The following ZNF257 variants were observed in gnomAD, a reference collection of about 807,000 sequenced individuals.
ZNF257 encodes zinc finger protein 257.
Under a neutral mutation model 11.9 loss-of-function variants are expected in ZNF257, and 12 were observed. The observed-to-expected ratio is 1.01, with a 90% confidence interval of 0.65 to 1.63. ZNF257 has a LOEUF of 1.63. Ranked by LOEUF, ZNF257 falls within the 40% of genes most tolerant of loss-of-function variation. ZNF257 has a pLI of 0.00. For synonymous variants in ZNF257, 183 were observed against 222.7 expected, an observed-to-expected ratio of 0.82 and a Z score of 1.59; for missense variants, 580 against 665.5, an observed-to-expected ratio of 0.87 and a Z score of 1.41.
At position 22,084,481 on chromosome 19, in the gene ZNF257, G is replaced by T. The variant is rs144142378; in HGVS notation, c.227-3496G>T. ...ATTGTTGGGTACTTTGTTGTCTCTT[G>T]CAATAGCACTCCTGAGTTTGTTATT... On this transcript the variant is annotated intron_variant, in intron 3 of 3. Coordinates refer to ENST00000594947, the MANE Select transcript of ZNF257 (RefSeq NM_033468.4). Among the ~76,000 whole-genome samples the T allele has an allele frequency of 2.4e-3, 365 of 150,622 alleles. 1 individual carries two copies. The highest frequency in any genetic ancestry group is 0.014 in the Middle Eastern group (4 of 290).
At chr19:22,056,527 G>A (rs951079134) in intron 1 of ZNF257, among the ~76,000 whole-genome samples, 1 of 147,596 alleles carries the variant, frequency 6.8e-6, no homozygotes, top group Non-Finnish European at 1.5e-5. Context: ...CCAGGCTGGA[G>A]TGCAGTGGCA....
rs753977498 is a variant in ZNF257 at position 22,088,898 on chromosome 19, G to T, written c.1148G>T (p.Arg383Leu). ...KCEECGKAFN[R>L]SSHLTKHKRI... is the part of the protein sequence containing the mutation. ...GAAGAGTGTGGAAAAGCCTTTAACCGGTCTTCACACCTTACTAAACATAAG... is the reference window on the plus strand; with the variant it reads ...GAAGAGTGTGGAAAAGCCTTTAACCTGTCTTCACACCTTACTAAACATAAG... Residue 383 changes from arginine to leucine, a missense_variant, in exon 4 of 4, where the codon CGG (arginine) becomes CTG (leucine). Physicochemically the swap from Arg to Leu is moderately radical, Grantham distance 102. Transcript: ENST00000594947. 1 of 1,609,426 alleles carries T rather than the reference G, an allele frequency of 6.2e-7. No homozygotes were observed. Among genetic ancestry groups the T allele is most frequent in the South Asian group, 1.1e-5 (1 of 90,890 alleles).
At chr19:22,084,674 T>G (rs1357356788) in intron 3 of ZNF257, among the ~76,000 whole-genome samples, 1 of 152,004 alleles carries the variant, frequency 6.6e-6, no homozygotes, top group African/African-American at 2.4e-5. Context: ...TTTTCAGTTT[T>G]TTCCATTGTT....
chr19:22,057,678 T>A (rs7246619), intron 1 of ZNF257, among the ~76,000 whole-genome samples: 1 of 152,070 alleles, frequency 6.6e-6, no homozygotes, highest in South Asian at 2.1e-4. Context: ...AAGCTTAGGC[T>A]GACAGGGACT....
intron 1 of ZNF257, among the ~76,000 whole-genome samples, chr19:22,056,536 C>T (rs1330483947): frequency 6.9e-6 from 1 of 145,516 alleles, no homozygotes. Flanking sequence ...AGTGCAGTGG[C>T]ACAATCTTGG....
intron 3 of ZNF257, among the ~76,000 whole-genome samples, chr19:22,081,910 A>G (rs13346821): frequency 6.6e-6 from 1 of 151,944 alleles, no homozygotes; most frequent in Admixed American, 6.6e-5. Flanking sequence ...GCTCTTATAG[A>G]TATGTTTTTT....
intron 3 of ZNF257, among the ~76,000 whole-genome samples, chr19:22,086,609 G>A (rs1477397132): frequency 6.6e-6 from 1 of 151,776 alleles, no homozygotes; most frequent in Non-Finnish European, 1.5e-5. Context: ...GCCATATGCA[G>A]TGCCAATATA....
intron 1 of ZNF257, among the ~76,000 whole-genome samples, chr19:22,057,352 C>G (rs183864112): frequency 7.5e-4 from 114 of 152,114 alleles, no homozygotes; most frequent in Non-Finnish European, 1.3e-3. Flanking sequence ...TAATATTGAG[C>G]CTGCAAAAAA....
rs780832829 is a variant in ZNF257, at chr19:22,089,540, C to G, written c.*98C>G. On this transcript the variant is annotated 3_prime_UTR_variant, in exon 4 of 4. Transcript: ENST00000594947. ...GGGAATTCATAATAGAGAAACCCTA[C>G]AAATGTGAAGAACGTGGCCTGGCTT... 6.7e-7 allele frequency: 1 copy of G among 1,497,584 alleles called. No individual in the cohort carries two copies. The highest frequency in any genetic ancestry group is 1.4e-5 in the African/African-American group (1 of 70,728). The allele number at this position is 1,497,584 out of a possible 1,614,324, so 92.8% of individuals were successfully genotyped here.
intron 1 of ZNF257, among the ~76,000 whole-genome samples, chr19:22,069,028 C>A (rs572889002): frequency 1.3e-5 from 2 of 152,292 alleles, no homozygotes; most frequent in East Asian, 3.9e-4. Flanking sequence ...TCATCCTTCC[C>A]TCATTCAAGA....
chr19:22,089,753 T>C lies in ZNF257; in HGVS notation c.*311T>C. 2.4e-6 allele frequency: 1 copy of C among 422,310 alleles called. No homozygotes were observed. Among genetic ancestry groups the C allele is most frequent in the Non-Finnish European group, 4.2e-6 (1 of 240,388 alleles). 26.2% of individuals were successfully genotyped at this position (422,310 alleles called of 1,614,324 possible). ...GCCTTTAAAAGTTCTCAACCCTTAT[T>C]ACACATAATTTATACTGGACAGAAA... On this transcript the variant is annotated 3_prime_UTR_variant, in exon 4 of 4. Coordinates refer to ENST00000594947, the MANE Select transcript of ZNF257 (RefSeq NM_033468.4).
At chr19:22,084,405 T>C (rs1468872518) in intron 3 of ZNF257, among the ~76,000 whole-genome samples, 2 of 152,054 alleles carry the variant, frequency 1.3e-5, no homozygotes, top group East Asian at 1.9e-4. Context: ...TAATCTGTTT[T>C]GAAATAAGGA....
intron 2 of ZNF257, among the ~76,000 whole-genome samples, chr19:22,073,137 C>A (rs978023143): frequency 2.0e-5 from 3 of 151,822 alleles, no homozygotes; most frequent in African/African-American, 7.3e-5. Context: ...AGAGGTTTCA[C>A]CTTGAACTGA....
At position 22,052,608 on chromosome 19, in the gene ZNF257, G is replaced by T. The variant is rs373974109; in HGVS notation, c.-25G>T. The T allele has an allele frequency of 1.2e-6, 2 of 1,605,418 alleles. No homozygotes were observed. Among genetic ancestry groups the T allele is most frequent in the Non-Finnish European group, 1.7e-6 (2 of 1,174,612 alleles). On this transcript the variant is annotated 5_prime_UTR_variant, in exon 1 of 4. Transcript: ENST00000594947. ...GTATTGGGAGATCCCCAGCTAAGACGCCAGGTCCTCCTGGAAGCCTAGAAA... is the reference window on the plus strand; with the variant it reads ...GTATTGGGAGATCCCCAGCTAAGACTCCAGGTCCTCCTGGAAGCCTAGAAA...
At chr19:22,068,521 G>A (rs1279167800) in intron 1 of ZNF257, among the ~76,000 whole-genome samples, 2 of 152,078 alleles carry the variant, frequency 1.3e-5, no homozygotes, top group East Asian at 3.9e-4. Flanking sequence ...CCAACAGGAG[G>A]AATTTCTGCA....
At chr19:22,064,527 TA>T (rs1292795792) in intron 1 of ZNF257, among the ~76,000 whole-genome samples, 3 of 152,180 alleles carry the variant, frequency 2.0e-5, no homozygotes, top group African/African-American at 7.2e-5. Context: ...AATTTAGCCA[TA>T]CAGAATGATA....
chr19:22,063,579 ACTT>A (rs2021864425), intron 1 of ZNF257, among the ~76,000 whole-genome samples: 1 of 152,176 alleles, frequency 6.6e-6, no homozygotes, highest in Admixed American at 6.5e-5. Flanking sequence ...GTTTCAAACA[ACTT>A]CTTGATTTCT....
chr19:22,077,883 A>C (rs992501097), intron 3 of ZNF257, among the ~76,000 whole-genome samples: 1 of 152,006 alleles, frequency 6.6e-6, no homozygotes, highest in Admixed American at 6.6e-5. Context: ...TTCACCAACA[A>C]TCGACATGGG....
In ZNF257 at chr19:22,072,891, A is replaced by G; in HGVS notation, c.86A>G (p.Tyr29Cys). 1 of 1,613,444 alleles carries G rather than the reference A, an allele frequency of 6.2e-7. No individual in the cohort carries two copies. Among genetic ancestry groups the G allele is most frequent in the Non-Finnish European group, 8.5e-7 (1 of 1,179,670 alleles). ...HCLDTAQQNL[Y>C]RDVMLENYRN... ...CTGGACACTGCACAGCAGAATTTAT[A>G]TAGGGATGTGATGTTAGAGAACTAC... The change falls in exon 2 of 4, where the codon TAT becomes TGT. Residue 29 changes from tyrosine to cysteine, a missense_variant. By Grantham distance (194) the Tyr-to-Cys change is radical. Transcript: ENST00000594947.
Sources: gnomAD v4.1 joint callset for allele counts (sites outside exome capture counted in the v4.1 genomes callset) on GRCh38, gnomAD v4.1.1 for gene constraint, MANE v1.5 for transcripts, NCBI Gene and HGNC (gene_info 2026-07-23, HGNC 2026-07-21) for gene names.